Variants in KCNK5 observed in about 807,000 individuals in gnomAD.
KCNK5 encodes potassium two pore domain channel subfamily K member 5, also known as potassium channel subfamily K member 5.
A neutral mutation model predicts 32.9 loss-of-function variants in KCNK5; 18 were observed. The ratio of observed to expected loss-of-function variants is 0.55; its 90% CI spans 0.38 to 0.81. The LOEUF (loss-of-function observed/expected upper bound fraction) is 0.81. KCNK5 is among the 30% of genes least tolerant of loss of function. The probability of loss-of-function intolerance (pLI) is 0.00; values close to 1 mark genes in which losing one functional copy is unlikely to be tolerated. For missense variants in KCNK5, 507 were observed against 651.0 expected, an observed-to-expected ratio of 0.78 and a Z score of 2.41; for synonymous variants, 276 against 275.3, an observed-to-expected ratio of 1.00 and a Z score of -0.03.
chr6:39,223,840 C>T (rs529089610), intron 1 of KCNK5, among the ~76,000 whole-genome samples: 2 of 152,240 alleles, frequency 1.3e-5, no homozygotes, highest in Non-Finnish European at 2.9e-5. Context: ...CTTCTAAACG[C>T]CAGACTATAA....
intron 2 of KCNK5, among the ~76,000 whole-genome samples, chr6:39,195,121 C>G (rs1051645039): frequency 1.3e-5 from 2 of 152,172 alleles, no homozygotes; most frequent in Non-Finnish European, 2.9e-5. Flanking sequence ...TCCTCCATTC[C>G]CTCCCTTCTT....
intron 1 of KCNK5, among the ~76,000 whole-genome samples, chr6:39,220,472 G>T (rs1315094633): frequency 6.6e-6 from 1 of 152,280 alleles, no homozygotes; most frequent in East Asian, 1.9e-4. Flanking sequence ...CATCCCAGGA[G>T]AATACCCATG....
intron 1 of KCNK5, among the ~76,000 whole-genome samples, chr6:39,218,652 C>T (rs910040235): frequency 6.6e-6 from 1 of 152,136 alleles, no homozygotes; most frequent in Non-Finnish European, 1.5e-5. Context: ...GGGATGCACA[C>T]GAGCACAGTC....
chr6:39,198,489 T>C (rs1024311438), intron 1 of KCNK5, among the ~76,000 whole-genome samples: 10 of 152,212 alleles, frequency 6.6e-5, no homozygotes, highest in African/African-American at 1.2e-4. Flanking sequence ...TGGCTGGATA[T>C]AGGGGCCAAA....
chr6:39,203,025 G>C (rs968645639), intron 1 of KCNK5, among the ~76,000 whole-genome samples: 1 of 152,146 alleles, frequency 6.6e-6, no homozygotes, highest in Non-Finnish European at 1.5e-5. Context: ...TGATTCACAC[G>C]TGTGTCCGTC....
intron 1 of KCNK5, among the ~76,000 whole-genome samples, chr6:39,218,443 C>A (rs930259415): frequency 6.6e-6 from 1 of 152,096 alleles, no homozygotes; most frequent in Non-Finnish European, 1.5e-5. Context: ...CTGGGTAGGC[C>A]GTGTTGTTAG....
Position 39,228,945 on chromosome 6 carries a change from C to T in KCNK5, c.167G>A (p.Gly56Asp). The change falls in exon 1 of 5, where the codon GGC becomes GAC. Residue 56 changes from glycine (G) to aspartate (D), a missense_variant. Gly to Asp is a moderately conservative substitution (Grantham distance 94). Coordinates refer to ENST00000359534, the MANE Select transcript of KCNK5 (RefSeq NM_003740.4). ...ACTGACCTCTAGGATCTTGTCCAGGCCCTCCTGACCCAGGCACGGGAACTC... is the reference window on the plus strand; with the variant it reads ...ACTGACCTCTAGGATCTTGTCCAGGTCCTCCTGACCCAGGCACGGGAACTC... Reference protein sequence around the residue: ...LKEFPCLGQEGLDKILEVVSD... With the variant: ...LKEFPCLGQEDLDKILEVVSD... The T allele has an allele frequency of 1.2e-6, 2 of 1,614,116 alleles. No individual in the cohort carries two copies. The highest frequency in any genetic ancestry group is 1.3e-5 in the African/African-American group (1 of 75,036).
rs2113803003 is a variant in KCNK5, at chr6:39,229,394, G to A, written c.-283C>T. Reference sequence around the variant, plus strand: ...TGGACCGCGGATGCGTAAGGAGCGGGAAGAACACAGGACTTGACTCTGGGC... The same window carrying A: ...TGGACCGCGGATGCGTAAGGAGCGGAAAGAACACAGGACTTGACTCTGGGC... On this transcript the variant is annotated 5_prime_UTR_variant, in exon 1 of 5. Transcript: ENST00000359534. The A allele has an allele frequency of 4.1e-6, 2 of 487,520 alleles. No homozygotes were observed. The highest frequency in any genetic ancestry group is 7.5e-6 in the Non-Finnish European group (2 of 266,594). The allele number at this position is 487,520 out of a possible 1,614,324, so 30.2% of individuals were successfully genotyped here.
chr6:39,194,514 A>G lies in KCNK5; in HGVS notation c.465+80T>C. ...CCATCTGTCCTTACACCCTTGGTCC[A>G]ATTCCTAGAGGCCTCCTGTCCTCCC... On this transcript the variant is annotated intron_variant, in intron 3 of 4. Transcript: ENST00000359534. The surrounding 1 kb of genome is among the most constrained non-coding windows in gnomAD (Gnocchi z 4.7). 1 of 1,530,942 alleles carries G rather than the reference A, an allele frequency of 6.5e-7. No homozygotes were observed. 94.8% of individuals were successfully genotyped at this position (1,530,942 alleles called of 1,614,324 possible).
chr6:39,192,229 G>A (rs1264490487), intron 4 of KCNK5, among the ~76,000 whole-genome samples: 1 of 120,548 alleles, frequency 8.3e-6, no homozygotes, highest in Non-Finnish European at 1.6e-5. Context: ...GTTGCAGTGA[G>A]CCAAGATCAC....
chr6:39,220,110 G>A (rs2815116), intron 1 of KCNK5, among the ~76,000 whole-genome samples: 108,476 of 152,086 alleles, frequency 0.71, 38,746 homozygotes, highest in East Asian at 0.82. Flanking sequence ...TCCCCACCCA[G>A]TGTGGCCAAC....
At chr6:39,217,994 C>T (rs1771470787) in intron 1 of KCNK5, among the ~76,000 whole-genome samples, 1 of 151,612 alleles carries the variant, frequency 6.6e-6, no homozygotes. Context: ...GTTAGGAAAT[C>T]AGGTAGGTCA....
intron 1 of KCNK5, among the ~76,000 whole-genome samples, chr6:39,206,740 A>G (rs542033449): frequency 6.6e-6 from 1 of 152,264 alleles, no homozygotes; most frequent in East Asian, 1.9e-4. Flanking sequence ...TGACTCCAGC[A>G]TCCACTAGCG....
intron 1 of KCNK5, among the ~76,000 whole-genome samples, chr6:39,225,059 G>A (rs1310148439): frequency 6.6e-6 from 1 of 152,024 alleles, no homozygotes; most frequent in African/African-American, 2.4e-5. Context: ...TCTCCTGAGA[G>A]CCCTCCCTGA....
chr6:39,198,855 C>A (rs888042939), intron 1 of KCNK5, among the ~76,000 whole-genome samples: 2 of 152,180 alleles, frequency 1.3e-5, no homozygotes, highest in African/African-American at 4.8e-5. Context: ...CAAAGGGCTA[C>A]TCCTTGTAGT....
Position 39,194,095 on chromosome 6 carries a change from AC to A in KCNK5, c.634+73del, listed in dbSNP as rs1770986266. ...CAGAACATGGAACCCTACCTAGGGC[AC>A]CCCCAACATAGGTCTGTTGCACTGA... On this transcript the variant is annotated intron_variant, in intron 4 of 4. Coordinates refer to ENST00000359534, the MANE Select transcript of KCNK5 (RefSeq NM_003740.4). This position sits in a 1 kb window ranked among gnomAD's most constrained non-coding sequence, Gnocchi z 4.7. The A allele has an allele frequency of 5.2e-6, 8 of 1,530,980 alleles. No homozygotes were observed. Among genetic ancestry groups the A allele is most frequent in the Non-Finnish European group, 7.2e-6 (8 of 1,106,096 alleles). 94.8% of individuals were successfully genotyped at this position (1,530,980 alleles called of 1,614,324 possible). A position where few individuals can be genotyped will look rare whatever the true frequency, so the allele number is the denominator to read the frequency against.
At chr6:39,208,474 C>T (rs1041106907) in intron 1 of KCNK5, among the ~76,000 whole-genome samples, 5 of 152,238 alleles carry the variant, frequency 3.3e-5, no homozygotes, top group African/African-American at 1.2e-4. Context: ...TGAGAGCCAA[C>T]CACCTGTCCC....
rs577081771 is a variant in KCNK5, at chr6:39,221,590, G to A, written c.186+7336C>T. ...CCCATGCCACTCACCCTCCAAGCCT[G>A]CCTTCTTCTAAGCGCAGAAGTAAAA... On this transcript the variant is annotated intron_variant, in intron 1 of 4. Transcript: ENST00000359534. Among the ~76,000 whole-genome samples, 28 of 152,292 alleles carry A rather than the reference G, an allele frequency of 1.8e-4. No individual in the cohort carries two copies. The South Asian group carries it at 5.4e-3, about 29-fold the overall frequency.
At chr6:39,222,518 G>A (rs77281480) in intron 1 of KCNK5, among the ~76,000 whole-genome samples, 4,036 of 152,244 alleles carry the variant, frequency 0.027, 176 homozygotes, top group African/African-American at 0.091. Flanking sequence ...AAATTTGATG[G>A]AGTTCAAATT....
Sources: allele counts gnomAD v4.1 joint callset (sites outside exome capture counted in the v4.1 genomes callset), GRCh38; gene constraint gnomAD v4.1.1; non-coding constraint Gnocchi (gnomAD v3.1); transcripts MANE v1.5; gene names NCBI Gene and HGNC (gene_info 2026-07-23, HGNC 2026-07-21).